Variants in GARNL3 observed in about 807,000 individuals in gnomAD.
GARNL3 encodes GTPase activating Rap/RanGAP domain like 3.
Under a neutral mutation model 125.0 loss-of-function variants are expected in GARNL3, and 63 were observed. That is an observed-to-expected ratio of 0.50 (90% CI 0.41 to 0.62). The LOEUF is 0.62. Among genes scored for constraint, GARNL3 ranks in the 20% least tolerant of loss-of-function variants. The pLI, the probability that GARNL3 is intolerant of heterozygous loss-of-function variation, is 0.00. For missense variants in GARNL3, 994 were observed against 1,244.0 expected, an observed-to-expected ratio of 0.80 and a Z score of 3.02; for synonymous variants, 439 against 457.5, an observed-to-expected ratio of 0.96 and a Z score of 0.52.
At chr9:127,314,122 T>G (rs1310149782) in intron 4 of GARNL3, among the ~76,000 whole-genome samples, 1 of 152,222 alleles carries the variant, frequency 6.6e-6, no homozygotes, top group Non-Finnish European at 1.5e-5. Flanking sequence ...TGCCTTTTGT[T>G]GTAAAGTCAC....
At chr9:127,337,684 A>G (rs1829628509) in intron 11 of GARNL3, among the ~76,000 whole-genome samples, 1 of 152,212 alleles carries the variant, frequency 6.6e-6, no homozygotes, top group African/African-American at 2.4e-5. Flanking sequence ...CCAAAAGGAG[A>G]GAAAGGGAAG....
At chr9:127,322,680 A>G (rs1348702172) in intron 6 of GARNL3, among the ~76,000 whole-genome samples, 1 of 152,204 alleles carries the variant, frequency 6.6e-6, no homozygotes, top group African/African-American at 2.4e-5. Context: ...GTTGAGCAAC[A>G]GGCTTTAGGT....
intron 22 of GARNL3, among the ~76,000 whole-genome samples, chr9:127,380,200 A>ATGTGTGTG (rs55906930): frequency 0.051 from 7,174 of 141,604 alleles, 200 homozygotes; most frequent in East Asian, 0.1. Flanking sequence ...CTCAAAAAAT[A>ATGTGTGTG]TGTGTGTGTG....
chr9:127,285,943 C>A (rs2064239287), intron 1 of GARNL3, among the ~76,000 whole-genome samples: 1 of 151,994 alleles, frequency 6.6e-6, no homozygotes, highest in Non-Finnish European at 1.5e-5. Context: ...GGAAATGTAA[C>A]CAATTCATAT....
chr9:127,342,730 T>A (rs1316109331), intron 14 of GARNL3, among the ~76,000 whole-genome samples: 1 of 151,960 alleles, frequency 6.6e-6, no homozygotes, highest in African/African-American at 2.4e-5. Context: ...TAGAAAGACA[T>A]AGGGTGCTTT....
intron 22 of GARNL3, among the ~76,000 whole-genome samples, chr9:127,369,548 C>T (rs903730228): frequency 3.3e-5 from 5 of 152,206 alleles, no homozygotes; most frequent in African/African-American, 7.2e-5. Flanking sequence ...GGAAGGAGGG[C>T]GTCCCCACCT....
chr9:127,346,822 A>G (rs1830163089), intron 16 of GARNL3, among the ~76,000 whole-genome samples: 1 of 152,080 alleles, frequency 6.6e-6, no homozygotes, highest in African/African-American at 2.4e-5. Flanking sequence ...GGCTTTGCCC[A>G]CCTCTTCAGC....
intron 1 of GARNL3, among the ~76,000 whole-genome samples, chr9:127,287,776 C>A (rs2064294036): frequency 6.6e-6 from 1 of 152,212 alleles, no homozygotes; most frequent in Non-Finnish European, 1.5e-5. Context: ...AGTTACTGCC[C>A]AACCGACTTT....
At chr9:127,379,515 G>C (rs971786248) in intron 22 of GARNL3, among the ~76,000 whole-genome samples, 1 of 152,214 alleles carries the variant, frequency 6.6e-6, no homozygotes, top group Non-Finnish European at 1.5e-5. Context: ...ACAGCCTTCT[G>C]GGGAAGAAGT....
intron 4 of GARNL3, among the ~76,000 whole-genome samples, chr9:127,315,889 A>C (rs1245276177): frequency 6.6e-6 from 1 of 152,224 alleles, no homozygotes; most frequent in African/African-American, 2.4e-5. Flanking sequence ...CTGTAGACAC[A>C]CACCTGCACA....
At chr9:127,300,781 G>T in intron 2 of GARNL3, 1 of 377,700 alleles carries the variant, frequency 2.6e-6, no homozygotes, top group South Asian at 2.1e-5. Context: ...TCTACAGTAA[G>T]TTTTGCAGAT....
At chr9:127,324,246 G>A (rs913358315) in intron 6 of GARNL3, among the ~76,000 whole-genome samples, 2 of 152,148 alleles carry the variant, frequency 1.3e-5, no homozygotes, top group African/African-American at 4.8e-5. Context: ...GCCAGACCCT[G>A]TCTCTTTAAA....
At chr9:127,265,058 A>T in intron 1 of GARNL3, 37 bp downstream of exon 1, 1 of 1,562,458 alleles carries the variant, frequency 6.4e-7, no homozygotes, top group Non-Finnish European at 8.7e-7. Context: ...TAGTACATTG[A>T]TTTAGATTTA....
chr9:127,299,173 C>G (rs886542015), intron 2 of GARNL3, among the ~76,000 whole-genome samples: 1 of 151,760 alleles, frequency 6.6e-6, no homozygotes, highest in Admixed American at 6.6e-5. Flanking sequence ...AAAAAGTAGC[C>G]GGGTGTGCTG....
rs1004943355 is a variant in GARNL3 at position 127,378,415 on chromosome 9, C to T, written c.2162-5023C>T. Among the ~76,000 whole-genome samples the T allele has an allele frequency of 5.3e-5, 8 of 151,940 alleles. No homozygotes were observed. In the East Asian group the frequency reaches 7.7e-4, roughly 15 times the overall value. On this transcript the variant is annotated intron_variant, in intron 22 of 27. Coordinates refer to ENST00000373387, the MANE Select transcript of GARNL3 (RefSeq NM_032293.5). ...CAGCCTGGCCAACTTGGAGAAACCC[C>T]GTCTCTACTAAAAATATAAAAATCA...
At chr9:127,282,880 C>T (rs970583940) in intron 1 of GARNL3, among the ~76,000 whole-genome samples, 23 of 152,150 alleles carry the variant, frequency 1.5e-4, no homozygotes, top group Middle Eastern at 3.4e-3. Flanking sequence ...TAAGAAAGAT[C>T]CTCATTTAAT....
chr9:127,287,633 C>A (rs1168618528), intron 1 of GARNL3, among the ~76,000 whole-genome samples: 1 of 152,208 alleles, frequency 6.6e-6, no homozygotes, highest in African/African-American at 2.4e-5. Context: ...ACTGAGACTG[C>A]CACTCTGTGC....
intron 1 of GARNL3, among the ~76,000 whole-genome samples, chr9:127,290,726 T>C (rs764029690): frequency 9.9e-5 from 15 of 152,216 alleles, no homozygotes; most frequent in Non-Finnish European, 1.9e-4. Flanking sequence ...TAAAACTGAA[T>C]GAAGCACAGG....
intron 22 of GARNL3, among the ~76,000 whole-genome samples, chr9:127,375,882 G>C (rs1000302608): frequency 6.6e-6 from 1 of 152,204 alleles, no homozygotes; most frequent in African/African-American, 2.4e-5. Context: ...TAAGTCCTCT[G>C]CCAAGAAGCA....
Sources: gnomAD v4.1 joint callset for allele counts (sites outside exome capture counted in the v4.1 genomes callset) on GRCh38, gnomAD v4.1.1 for gene constraint, MANE v1.5 for transcripts, NCBI Gene and HGNC (gene_info 2026-07-23, HGNC 2026-07-21) for gene names.